Variants in SORCS2 observed in about 807,000 individuals in gnomAD.
SORCS2 encodes the protein sortilin related VPS10 domain containing receptor 2, also known as VPS10 domain-containing receptor SorCS2.
SORCS2 carries 100 observed loss-of-function variants against 141.6 expected under a neutral mutation model. The ratio of observed to expected loss-of-function variants is 0.71; its 90% CI spans 0.60 to 0.83. SORCS2 has a LOEUF of 0.83. Ranked by LOEUF, SORCS2 falls within the 40% of genes least tolerant of loss-of-function variation. The pLI is 0.00. For missense variants in SORCS2, 1,646 were observed against 1,560.2 expected (o/e 1.05, Z -0.93); for synonymous variants, 789 against 676.9 (o/e 1.17, Z -2.57).
chr4:7,241,069 G>T (rs1055843211), intron 1 of SORCS2, among the ~76,000 whole-genome samples: 2 of 152,126 alleles, frequency 1.3e-5, no homozygotes, highest in Non-Finnish European at 2.9e-5. Context: ...CGAGTAGCTG[G>T]GATTACAGGC....
intron 1 of SORCS2, among the ~76,000 whole-genome samples, chr4:7,228,062 G>A (rs1275769822): frequency 6.6e-6 from 1 of 152,186 alleles, no homozygotes; most frequent in Non-Finnish European, 1.5e-5. Context: ...ACAAAGGACT[G>A]CAGGCTGGGG....
In SORCS2 at chr4:7,487,884, T is replaced by C. The variant is rs191852707; in HGVS notation, c.549-43646T>C. On this transcript the variant is annotated intron_variant, in intron 2 of 26. Transcript: ENST00000507866. ...TTATTTCCCAGGCTTGCCATGATTC[T>C]ATTAAAATTTTCTTTTGTAGACATC... 2.2e-3 allele frequency among the ~76,000 whole-genome samples: 337 copies of C among 152,280 alleles called. 2 individuals are homozygous for C. Among genetic ancestry groups the C allele is most frequent in the Non-Finnish European group, 1.6e-3 (106 of 68,022 alleles).
chr4:7,405,034 T>C (rs991437348), intron 2 of SORCS2, among the ~76,000 whole-genome samples: 4 of 152,110 alleles, frequency 2.6e-5, no homozygotes, highest in African/African-American at 9.7e-5. Context: ...TTTTTGTATA[T>C]GGTGAGAGAT....
rs13128496 is a variant in SORCS2 at position 7,657,631 on chromosome 4, T to C, written c.887+3424T>C. Among the ~76,000 whole-genome samples, 18 of 142,570 alleles carry C rather than the reference T, an allele frequency of 1.3e-4. No homozygotes were observed. In the South Asian group the frequency reaches 2.2e-3, roughly 17 times the overall value. 93.5% of individuals were successfully genotyped at this position (142,570 alleles called of 152,430 possible). A position where few individuals can be genotyped will look rare whatever the true frequency, so the allele number is the denominator to read the frequency against. ...TGGGTGAGTGAGTCACTGAATGAGT[T>C]AGTGAGTGAGTGAATGAGTGACTGA... On this transcript the variant is annotated intron_variant, in intron 5 of 26. Coordinates refer to ENST00000507866, the MANE Select transcript of SORCS2 (RefSeq NM_020777.3).
chr4:7,454,866 AGGTG>A (rs1728769835), intron 2 of SORCS2, among the ~76,000 whole-genome samples: 2 of 102,680 alleles, frequency 1.9e-5, no homozygotes, highest in South Asian at 3.7e-4. Context: ...TGTTGGGGTC[AGGTG>A]CTGTGTGTTG....
At chr4:7,539,270 AAGAC>A (rs1712376075) in intron 3 of SORCS2, among the ~76,000 whole-genome samples, 1 of 152,136 alleles carries the variant, frequency 6.6e-6, no homozygotes, top group South Asian at 2.1e-4. Context: ...TGGACCCACT[AAGAC>A]AGGTTCCCAA....
At chr4:7,281,600 C>T (rs1715885200) in intron 1 of SORCS2, among the ~76,000 whole-genome samples, 1 of 152,192 alleles carries the variant, frequency 6.6e-6, no homozygotes, top group Admixed American at 6.5e-5. Flanking sequence ...TCACTCATGT[C>T]ATTGCCATCT....
rs543360078 is a variant in SORCS2 at position 7,569,313 on chromosome 4, C to T, written c.648+37684C>T. Among the ~76,000 whole-genome samples the T allele has an allele frequency of 2.6e-4, 40 of 152,248 alleles. No individual in the cohort carries two copies. In the South Asian group the frequency reaches 6.4e-3, roughly 25 times the overall value. On this transcript the variant is annotated intron_variant, in intron 3 of 26. Transcript: ENST00000507866. ...AGATCACAAGGTCAGGAGTTTGAGA[C>T]CAGCCTGGCCAACATGGTGAAACCC...
intron 3 of SORCS2, among the ~76,000 whole-genome samples, chr4:7,540,636 A>C (rs975516604): frequency 2.0e-5 from 3 of 152,124 alleles, no homozygotes; most frequent in Middle Eastern, 3.2e-3. Context: ...CTTCCTCCCG[A>C]GGGTCTGGCC....
chr4:7,376,341 C>T (rs889995916), intron 1 of SORCS2, among the ~76,000 whole-genome samples: 1 of 151,652 alleles, frequency 6.6e-6, no homozygotes, highest in African/African-American at 2.4e-5. Flanking sequence ...CTTTGGGAAG[C>T]CAAGGCTGGT....
At chr4:7,360,157 C>T (rs59926030) in intron 1 of SORCS2, among the ~76,000 whole-genome samples, 38,185 of 152,102 alleles carry the variant, frequency 0.25, 5,157 homozygotes, top group East Asian at 0.38. Context: ...ATCATTGATC[C>T]GCCTACTCTG....
chr4:7,639,379 T>G (rs116802147), intron 4 of SORCS2, among the ~76,000 whole-genome samples: 2,225 of 152,182 alleles, frequency 0.015, 60 homozygotes, highest in African/African-American at 0.051. Flanking sequence ...GCTTCAAATC[T>G]CCTCTGCCCC....
At chr4:7,566,762 G>T (rs532673103) in intron 3 of SORCS2, among the ~76,000 whole-genome samples, 5 of 152,320 alleles carry the variant, frequency 3.3e-5, no homozygotes, top group African/African-American at 1.2e-4. Context: ...GCTTACCTTA[G>T]TGGATGCTGG....
chr4:7,695,112 T>C lies in SORCS2; in HGVS notation c.1592-2086T>C, dbSNP rs1211064600. Among the ~76,000 whole-genome samples, 3 of 151,268 alleles carry C rather than the reference T, an allele frequency of 2.0e-5. No homozygotes were observed. The East Asian group carries it at 5.9e-4, about 30-fold the overall frequency. ...GTGCAGAGAGTAGACACTCAGTAAA[T>C]GCCATTGAATACATGCAGGAGAGAG... On this transcript the variant is annotated intron_variant, in intron 11 of 26. Coordinates refer to ENST00000507866, the MANE Select transcript of SORCS2 (RefSeq NM_020777.3).
At chr4:7,445,965 G>C (rs1310031238) in intron 2 of SORCS2, among the ~76,000 whole-genome samples, 2 of 152,148 alleles carry the variant, frequency 1.3e-5, no homozygotes, top group Non-Finnish European at 2.9e-5. Flanking sequence ...CCTCAGGCCA[G>C]AGCCAAATGC....
intron 3 of SORCS2, among the ~76,000 whole-genome samples, chr4:7,586,026 C>G (rs976136241): frequency 1.3e-5 from 2 of 152,234 alleles, no homozygotes; most frequent in African/African-American, 4.8e-5. Context: ...ATGTTTGCCT[C>G]CTTTTCATGT....
At chr4:7,646,699 G>A (rs1019560547) in intron 4 of SORCS2, among the ~76,000 whole-genome samples, 2 of 152,192 alleles carry the variant, frequency 1.3e-5, no homozygotes, top group Admixed American at 6.5e-5. Context: ...AGAAGGCGGC[G>A]TTTGCAAGCC....
At chr4:7,542,028 G>A (rs937459179) in intron 3 of SORCS2, among the ~76,000 whole-genome samples, 2 of 152,168 alleles carry the variant, frequency 1.3e-5, no homozygotes, top group Admixed American at 6.5e-5. Context: ...TTTTGTAACA[G>A]GGGTGAGGGC....
chr4:7,724,187 C>T (rs890226191), intron 19 of SORCS2, among the ~76,000 whole-genome samples: 28 of 117,056 alleles, frequency 2.4e-4, no homozygotes, highest in Non-Finnish European at 4.4e-4. Flanking sequence ...GATAGCAGTA[C>T]TGGTGGTGGT....
Sources: gnomAD v4.1 joint callset for allele counts (sites outside exome capture counted in the v4.1 genomes callset) on GRCh38, gnomAD v4.1.1 for gene constraint, MANE v1.5 for transcripts, NCBI Gene and HGNC (gene_info 2026-07-23, HGNC 2026-07-21) for gene names.